ROS1: variants seen among roughly 807,000 people sequenced by gnomAD.
ROS1 encodes proto-oncogene tyrosine-protein kinase ROS.
ROS1 carries 263 observed loss-of-function variants against 273.5 expected under a neutral mutation model. The ratio of observed to expected loss-of-function variants is 0.96; its 90% CI spans 0.87 to 1.06. The LOEUF (loss-of-function observed/expected upper bound fraction) is 1.06, where lower values mean the gene tolerates loss of function less well. Among genes scored for constraint, ROS1 ranks in the 50% least tolerant of loss-of-function variants. The pLI is 0.00. For missense variants in ROS1, 2,833 were observed against 2,751.1 expected, an observed-to-expected ratio of 1.03 and a Z score of -0.67; for synonymous variants, 1,008 against 954.1, an observed-to-expected ratio of 1.06 and a Z score of -1.04.
intron 5 of ROS1, 75 bp from the exon 6 acceptor site, chr6:117,404,503 TA>T (rs1774238920): frequency 7.3e-7 from 1 of 1,368,308 alleles, no homozygotes; most frequent in Non-Finnish European, 1.0e-6. Context: ...CTCTCTCATC[TA>T]GGGCTCTCCG....
At chr6:117,326,053 C>T (rs1363587943) in intron 34 of ROS1, among the ~76,000 whole-genome samples, 171 bp downstream of exon 34, 3 of 142,296 alleles carry the variant, frequency 2.1e-5, no homozygotes, top group African/African-American at 7.9e-5. Context: ...AAGATCACAT[C>T]ACATGAATGG....
chr6:117,425,408 G>T, intron 1 of ROS1, 126 bp downstream of exon 1: 1 of 861,490 alleles, frequency 1.2e-6, no homozygotes. Flanking sequence ...AATCTATCTT[G>T]CCTTGTTGCC....
At position 117,357,835 on chromosome 6, in the gene ROS1, T is replaced by C. The variant is rs768919164; in HGVS notation, c.3808A>G (p.Ile1270Val). Residue 1270 changes from isoleucine (I) to valine (V), a missense_variant, in exon 25 of 44, where the codon ATA becomes GTA. Coordinates refer to ENST00000368507, the MANE Select transcript of ROS1 (RefSeq NM_001378902.1). ...EVKIHNRNSTIISFSVYPLLS... is the reference protein window; with the variant it reads ...EVKIHNRNSTVISFSVYPLLS... ...AGAGGATATACAGAAAAAGAAATTA[T>C]TGTTGAATTCCTATTGTGAATCTTC... is the stretch of plus-strand genomic sequence containing the variant. The C allele has an allele frequency of 6.2e-7, 1 of 1,612,336 alleles. No homozygotes were observed. The highest frequency in any genetic ancestry group is 8.5e-7 in the Non-Finnish European group (1 of 1,178,966).
intron 35 of ROS1, 128 bp downstream of exon 35, chr6:117,324,204 A>G (rs1776476187): frequency 3.2e-6 from 2 of 619,494 alleles, no homozygotes; most frequent in Non-Finnish European, 5.7e-6. Context: ...CAAAGGTAAC[A>G]ATGTAAATTT....
chr6:117,399,702 G>A (rs1283385373), intron 7 of ROS1, among the ~76,000 whole-genome samples: 1 of 152,202 alleles, frequency 6.6e-6, no homozygotes, highest in African/African-American at 2.4e-5. Flanking sequence ...TTCCTCTAAG[G>A]CTTCTAGGCT....
intron 18 of ROS1, among the ~76,000 whole-genome samples, chr6:117,372,132 C>T (rs1474576734): frequency 2.0e-5 from 3 of 152,138 alleles, no homozygotes; most frequent in Non-Finnish European, 2.9e-5. Context: ...AAACGCATGG[C>T]CAACATTACA....
chr6:117,309,001 C>T (rs1176678869), intron 41 of ROS1, 73 bp from the exon 42 acceptor site: 2 of 1,468,482 alleles, frequency 1.4e-6, no homozygotes, highest in Non-Finnish European at 1.9e-6. Context: ...TCTCCAACAA[C>T]ATTTTTCCTG....
chr6:117,325,395 T>C (rs1776561071), intron 34 of ROS1, among the ~76,000 whole-genome samples: 1 of 152,156 alleles, frequency 6.6e-6, no homozygotes, highest in Non-Finnish European at 1.5e-5. Context: ...ATAAAAACTT[T>C]TTACTGGTCT....
intron 7 of ROS1, among the ~76,000 whole-genome samples, chr6:117,401,822 A>T (rs538312623): frequency 0.037 from 5,589 of 151,072 alleles, 160 homozygotes; most frequent in Non-Finnish European, 0.057. Context: ...AAAAAAAAAA[A>T]AACAGGAGGT....
intron 43 of ROS1, among the ~76,000 whole-genome samples, chr6:117,297,638 A>G (rs1363370381): frequency 1.3e-5 from 2 of 152,192 alleles, no homozygotes; most frequent in Non-Finnish European, 2.9e-5. Context: ...ATCCCTAATC[A>G]TCGGCGAAAT....
Position 117,387,819 on chromosome 6 carries a change from G to A in ROS1, c.1960C>T (p.Pro654Ser). Residue 654 changes from proline (P) to serine (S), a missense_variant, in exon 14 of 44, where the codon CCC becomes TCC. Pro to Ser is a moderately conservative substitution (Grantham distance 74). Transcript: ENST00000368507. ...VRASSPKRPG[P>S]WSEPSVGTTL... is the part of the protein sequence containing the mutation. Reference sequence around the variant, plus strand: ...GTACCCACTGAGGGCTCTGACCAGGGGCCTGGCCTCTTTGGAGAACTTGCT... The same window carrying A: ...GTACCCACTGAGGGCTCTGACCAGGAGCCTGGCCTCTTTGGAGAACTTGCT... The A allele has an allele frequency of 6.2e-7, 1 of 1,614,068 alleles. No individual in the cohort carries two copies. Among genetic ancestry groups the A allele is most frequent in the Non-Finnish European group, 8.5e-7 (1 of 1,180,004 alleles).
Position 117,383,339 on chromosome 6 carries a change from T to C in ROS1, c.2459A>G (p.Gln820Arg). The change falls in exon 17 of 44, where the codon CAG becomes CGG. Residue 820 changes from glutamine (Q) to arginine (R), a missense_variant. Coordinates refer to ENST00000368507, the MANE Select transcript of ROS1 (RefSeq NM_001378902.1). Reference sequence around the variant, plus strand: ...CACCTTTTTCCCAGAAAACCAAGGCTGTGTCTGTAGTACAAGGGAACTTTC... The same window carrying C: ...CACCTTTTTCCCAGAAAACCAAGGCCGTGTCTGTAGTACAAGGGAACTTTC... ...NGESSLVLQTQPWFSGKKVIA... is the reference protein window; with the variant it reads ...NGESSLVLQTRPWFSGKKVIA... 1.9e-6 allele frequency: 3 copies of C among 1,613,692 alleles called. No homozygotes were observed. The highest frequency in any genetic ancestry group is 2.5e-6 in the Non-Finnish European group (3 of 1,179,654).
chr6:117,351,706 T>C (rs911555095), intron 27 of ROS1, among the ~76,000 whole-genome samples: 10 of 152,210 alleles, frequency 6.6e-5, no homozygotes, highest in Non-Finnish European at 1.5e-4. Flanking sequence ...CAGTTTGCTC[T>C]GTGACCTCAC....
chr6:117,342,532 T>C lies in ROS1; in HGVS notation c.4519A>G (p.Ser1507Gly). The change falls in exon 29 of 44, where the codon AGT (serine) becomes GGT (glycine). Residue 1507 changes from serine to glycine, a missense_variant. Transcript: ENST00000368507. The stretch of plus-strand genomic sequence containing the variant: ...TGTAAATCTTCAATAAGAGCTATAC[T>C]GTCCTGAAATTCCTGTAATTGATTT... ...LKYRILEFQD[S>G]IALIEDLQPF... The C allele has an allele frequency of 6.7e-7, 1 of 1,496,386 alleles. No individual in the cohort carries two copies. The highest frequency in any genetic ancestry group is 9.0e-7 in the Non-Finnish European group (1 of 1,117,180). The allele number at this position is 1,496,386 out of a possible 1,614,324, so 92.7% of individuals were successfully genotyped here. A position where few individuals can be genotyped will look rare whatever the true frequency, so the allele number is the denominator to read the frequency against.
intron 43 of ROS1, among the ~76,000 whole-genome samples, chr6:117,289,365 C>A (rs1022008215): frequency 6.6e-6 from 1 of 152,162 alleles, no homozygotes; most frequent in African/African-American, 2.4e-5. Flanking sequence ...AAAAACATTT[C>A]TACATTCAGC....
intron 33 of ROS1, among the ~76,000 whole-genome samples, chr6:117,329,106 G>A (rs1776862280): frequency 2.6e-5 from 4 of 152,238 alleles, no homozygotes; most frequent in Admixed American, 2.6e-4. Flanking sequence ...GTGTCAATGA[G>A]CAGTTAGAGA....
chr6:117,396,316 A>G (rs928896033), intron 8 of ROS1, 52 bp from the exon 9 acceptor site: 38 of 1,252,546 alleles, frequency 3.0e-5, no homozygotes, highest in Middle Eastern at 1.9e-4. Context: ...TGGTGTGAAC[A>G]TGAGATAAAA....
chr6:117,366,114 T>C lies in ROS1; in HGVS notation c.2759A>G (p.Gln920Arg), dbSNP rs770726875. The change falls in exon 19 of 44, where the codon CAG (glutamine) becomes CGG (arginine). Residue 920 changes from glutamine (Q) to arginine (R), a missense_variant. By Grantham distance (43) the Gln-to-Arg change is conservative. Coordinates refer to ENST00000368507, the MANE Select transcript of ROS1 (RefSeq NM_001378902.1). ...AAGGGATGTCTGAATAATTGTGAAC[T>C]GATTAAATCTGGCTGGTTCCAAAAC... ...VSVLEPARFN[Q>R]FTIIQTSLKP... 1.2e-6 allele frequency: 2 copies of C among 1,614,178 alleles called. No homozygotes were observed. The highest frequency in any genetic ancestry group is 1.7e-6 in the Non-Finnish European group (2 of 1,179,988).
intron 16 of ROS1, among the ~76,000 whole-genome samples, chr6:117,384,381 C>T (rs961309644): frequency 1.3e-5 from 2 of 152,126 alleles, no homozygotes; most frequent in African/African-American, 4.8e-5. Flanking sequence ...GAATTCTACA[C>T]AATAAAAGAA....
Sources: allele counts gnomAD v4.1 joint callset (sites outside exome capture counted in the v4.1 genomes callset), GRCh38; gene constraint gnomAD v4.1.1; transcripts MANE v1.5; gene names NCBI Gene and HGNC (gene_info 2026-07-23, HGNC 2026-07-21).